The following ABTB3 variants were observed in gnomAD, a reference collection of about 807,000 sequenced individuals.
The protein encoded by ABTB3 is ankyrin repeat and BTB domain containing 3.
chr12:107,632,938 A>G, the ABTB3 span, among the ~76,000 whole-genome samples: 1 of 152,228 alleles, frequency 6.6e-6, no homozygotes, highest in African/African-American at 2.4e-5. Context: ...GCAACAGAGC[A>G]TCAAGTCCTT....
the ABTB3 span, among the ~76,000 whole-genome samples, chr12:107,325,875 T>C: frequency 1.3e-5 from 2 of 152,242 alleles, no homozygotes; most frequent in African/African-American, 4.8e-5. Context: ...AAGAGCTTTA[T>C]GTATTATAAT....
the ABTB3 span, among the ~76,000 whole-genome samples, chr12:107,569,156 GCCA>G: frequency 6.6e-6 from 1 of 152,178 alleles, no homozygotes; most frequent in African/African-American, 2.4e-5. Context: ...CATTCTCAAA[GCCA>G]CCACCCAATG....
the ABTB3 span, among the ~76,000 whole-genome samples, chr12:107,561,759 G>A: frequency 1.7e-4 from 26 of 152,116 alleles, no homozygotes; most frequent in Admixed American, 9.2e-4. Context: ...TTAATTTATC[G>A]GGTTCCTCTT....
At chr12:107,633,962 C>T in the ABTB3 span, among the ~76,000 whole-genome samples, 5 of 152,180 alleles carry the variant, frequency 3.3e-5, no homozygotes, top group South Asian at 2.1e-4. Context: ...TGCATTAAGC[C>T]GATAGGCAGG....
the ABTB3 span, among the ~76,000 whole-genome samples, chr12:107,441,774 C>CAAAAAAAAAAAAAAAAAAAAAAAAAA: frequency 1.6e-3 from 130 of 80,008 alleles, 6 homozygotes; most frequent in African/African-American, 7.2e-3. Flanking sequence ...CTTGTCTCTA[C>CAAAAAAAAAAAAAAAAAAAAAAAAAA]AAAAAAAAAA....
At chr12:107,318,791 C>T in the ABTB3 span, 5 of 888,438 alleles carry the variant, frequency 5.6e-6, no homozygotes, top group South Asian at 8.9e-5. Context: ...GGGAGGCAGC[C>T]GAAAGTACTA....
the ABTB3 span, among the ~76,000 whole-genome samples, chr12:107,399,671 A>T: frequency 1.5e-3 from 235 of 152,302 alleles, no homozygotes; most frequent in African/African-American, 5.5e-3. Context: ...CATATTTTTT[A>T]AAATTTTATT....
At chr12:107,430,133 A>C in the ABTB3 span, among the ~76,000 whole-genome samples, 2 of 152,086 alleles carry the variant, frequency 1.3e-5, no homozygotes, top group African/African-American at 4.8e-5. Flanking sequence ...GTATATCATG[A>C]CCTCTTTCTT....
chr12:107,386,963 ACAGT>A, the ABTB3 span, among the ~76,000 whole-genome samples: 1 of 147,668 alleles, frequency 6.8e-6, no homozygotes. Context: ...TGTGGATCAG[ACAGT>A]CAGCTACATT....
the ABTB3 span, among the ~76,000 whole-genome samples, chr12:107,412,859 G>C: frequency 2.0e-5 from 3 of 152,174 alleles, no homozygotes; most frequent in African/African-American, 7.2e-5. Context: ...GGATCATCAG[G>C]ATCATGTGAA....
the ABTB3 span, chr12:107,620,138 A>T: frequency 6.2e-7 from 1 of 1,614,132 alleles, no homozygotes. Context: ...CCTGCCCCTG[A>T]TGTTTGAGAT....
the ABTB3 span, chr12:107,659,165 A>G: frequency 6.6e-6 from 1 of 152,138 alleles, no homozygotes; most frequent in Non-Finnish European, 1.5e-5. Flanking sequence ...GTTGTGCCAG[A>G]CCCTAGATTG....
the ABTB3 span, among the ~76,000 whole-genome samples, chr12:107,321,632 T>G: frequency 5.6e-5 from 1 of 17,910 alleles, no homozygotes; most frequent in South Asian, 2.7e-3. Flanking sequence ...CACACACACA[T>G]CCTGAAATAT....
chr12:107,534,517 G>A, the ABTB3 span, among the ~76,000 whole-genome samples: 1 of 151,926 alleles, frequency 6.6e-6, no homozygotes, highest in Non-Finnish European at 1.5e-5. Flanking sequence ...AAAGTTTTTT[G>A]AAAAGATAAA....
At chr12:107,615,024 A>T in the ABTB3 span, 1 of 1,556,440 alleles carries the variant, frequency 6.4e-7, no homozygotes, top group Non-Finnish European at 8.9e-7. Flanking sequence ...AGTATTGTGA[A>T]GGTCACATTT....
At chr12:107,382,211 T>G in the ABTB3 span, among the ~76,000 whole-genome samples, 62 of 152,262 alleles carry the variant, frequency 4.1e-4, no homozygotes, top group African/African-American at 1.4e-3. Flanking sequence ...GGTGACTTAC[T>G]AGGAATGAGT....
At chr12:107,446,767 T>C in the ABTB3 span, among the ~76,000 whole-genome samples, 2 of 152,278 alleles carry the variant, frequency 1.3e-5, no homozygotes, top group African/African-American at 4.8e-5. Context: ...GGGACTCAAA[T>C]TCTGAAGACT....
the ABTB3 span, among the ~76,000 whole-genome samples, chr12:107,566,680 C>CAA: frequency 4.6e-5 from 7 of 151,370 alleles, no homozygotes; most frequent in African/African-American, 1.5e-4. Flanking sequence ...CACACACACA[C>CAA]ACACAAACAT....
the ABTB3 span, among the ~76,000 whole-genome samples, chr12:107,368,714 G>A: frequency 5.3e-5 from 8 of 152,124 alleles, no homozygotes; most frequent in South Asian, 2.1e-4. Flanking sequence ...CACCAGTGGC[G>A]CGGAGGGGTT....
Sources: allele counts gnomAD v4.1 joint callset (sites outside exome capture counted in the v4.1 genomes callset), GRCh38; gene constraint gnomAD v4.1.1; transcripts MANE v1.5; gene names NCBI Gene and HGNC (gene_info 2026-07-23, HGNC 2026-07-21).